Variants in UNK observed in about 807,000 individuals in gnomAD.
The protein encoded by UNK is unk zinc finger.
In UNK, 32 loss-of-function variants were observed where a neutral mutation model predicts 97.6. The ratio of observed to expected loss-of-function variants is 0.33; its 90% CI spans 0.25 to 0.44. The LOEUF is 0.44. Among genes scored for constraint, UNK ranks in the 20% least tolerant of loss-of-function variants. The pLI, the probability that UNK is intolerant of heterozygous loss-of-function variation, is 1.00. For synonymous variants in UNK, 441 were observed against 461.2 expected, an observed-to-expected ratio of 0.96 and a Z score of 0.56; for missense variants, 771 against 1,098.4, an observed-to-expected ratio of 0.70 and a Z score of 4.21.
At chr17:75,789,360 G>A (rs747367863) in intron 1 of UNK, among the ~76,000 whole-genome samples, 15 of 151,110 alleles carry the variant, frequency 9.9e-5, no homozygotes, top group South Asian at 6.3e-4. Flanking sequence ...TTCTGAGACC[G>A]AGTCTCGCTC....
At chr17:75,794,714 G>A (rs1018719241) in intron 1 of UNK, among the ~76,000 whole-genome samples, 1 of 152,162 alleles carries the variant, frequency 6.6e-6, no homozygotes, top group African/African-American at 2.4e-5. Context: ...CACCACCTGG[G>A]TTTGAGGCCC....
intron 1 of UNK, among the ~76,000 whole-genome samples, chr17:75,795,654 A>G (rs756787966): frequency 3.3e-5 from 5 of 151,996 alleles, no homozygotes; most frequent in Non-Finnish European, 7.4e-5. Context: ...AAAACTTTGG[A>G]TAAAGTCAAG....
intron 1 of UNK, among the ~76,000 whole-genome samples, chr17:75,794,535 G>A (rs2061788959): frequency 6.6e-6 from 1 of 152,080 alleles, no homozygotes; most frequent in Non-Finnish European, 1.5e-5. Context: ...CTACTAGGGA[G>A]GCTGAGGCAG....
At chr17:75,794,803 A>G (rs984387260) in intron 1 of UNK, among the ~76,000 whole-genome samples, 3 of 152,166 alleles carry the variant, frequency 2.0e-5, no homozygotes, top group South Asian at 2.1e-4. Flanking sequence ...GAATAGGAAT[A>G]TTACCTGTCT....
At chr17:75,800,979 C>T (rs531851493) in intron 1 of UNK, among the ~76,000 whole-genome samples, 37 of 151,438 alleles carry the variant, frequency 2.4e-4, no homozygotes, top group Non-Finnish European at 4.3e-4. Context: ...TCTGGGCTCA[C>T]TGCAAGCTCT....
rs1022781987 is a variant in UNK, at chr17:75,784,969, A to C, written c.89A>C (p.Lys30Thr). The C allele has an allele frequency of 2.0e-6, 3 of 1,526,168 alleles. No individual in the cohort carries two copies. 94.5% of individuals were successfully genotyped at this position (1,526,168 alleles called of 1,614,324 possible). ...TAQVLQAQPE[K>T]PQHYTYLKEF... ...CAGGTGCTGCAGGCACAGCCCGAGAAACCGCAGCACTACACGTACGTAGAG... is the reference window on the plus strand; with the variant it reads ...CAGGTGCTGCAGGCACAGCCCGAGACACCGCAGCACTACACGTACGTAGAG... Residue 30 changes from lysine to threonine, a missense_variant, in exon 1 of 16, where the codon AAA becomes ACA. Lys to Thr is a moderately conservative substitution (Grantham distance 78). Transcript: ENST00000589666.
At chr17:75,795,076 C>T (rs977172943) in intron 1 of UNK, among the ~76,000 whole-genome samples, 7 of 152,216 alleles carry the variant, frequency 4.6e-5, no homozygotes, top group Middle Eastern at 3.4e-3. Context: ...CTCTCTTCCA[C>T]GTCCACTTGA....
intron 1 of UNK, among the ~76,000 whole-genome samples, chr17:75,803,047 G>A (rs1360470903): frequency 1.3e-5 from 1 of 76,710 alleles, no homozygotes; most frequent in Non-Finnish European, 2.1e-5. Flanking sequence ...CGGATCACGA[G>A]GTCAGGAGAT....
Position 75,784,851 on chromosome 17 carries a change from G to A in UNK, c.-30G>A, listed in dbSNP as rs752602349. 7.5e-6 allele frequency: 12 copies of A among 1,600,484 alleles called. No homozygotes were observed. The highest frequency in any genetic ancestry group is 6.0e-6 in the Non-Finnish European group (7 of 1,171,032). Reference sequence around the variant, plus strand: ...ACCGCGCAGACTGAATAATAAAAGGGGAGCGGCGAAGAGGCAGGAAGACAA... The same window carrying A: ...ACCGCGCAGACTGAATAATAAAAGGAGAGCGGCGAAGAGGCAGGAAGACAA... On this transcript the variant is annotated 5_prime_UTR_variant, in exon 1 of 16. Transcript: ENST00000589666.
chr17:75,806,702 G>T (rs1481317323), intron 1 of UNK, among the ~76,000 whole-genome samples: 1 of 152,108 alleles, frequency 6.6e-6, no homozygotes, highest in Non-Finnish European at 1.5e-5. Context: ...GAACCTGGGA[G>T]GCAGAGATTG....
chr17:75,812,076 C>T (rs2061974477), intron 2 of UNK, 36 bp from the exon 3 acceptor site: 2 of 1,553,246 alleles, frequency 1.3e-6, no homozygotes, highest in South Asian at 2.4e-5. Flanking sequence ...AGGCTGCAGG[C>T]AGCAAAGTTG....
chr17:75,824,489 A>ATTC lies in UNK; in HGVS notation c.*72_*73insTTC. On this transcript the variant is annotated 3_prime_UTR_variant, in exon 16 of 16. Transcript: ENST00000589666. This position sits in a 1 kb window ranked among gnomAD's most constrained non-coding sequence, Gnocchi z 4.9. ...TTTTTAAAGTATATATATATATATG[A>ATTC]ATATATATATATATGTGTATGTATG... 1 of 837,140 alleles carries ATTC rather than the reference A, an allele frequency of 1.2e-6. No homozygotes were observed. The highest frequency in any genetic ancestry group is 1.5e-6 in the Non-Finnish European group (1 of 646,108). 51.9% of individuals were successfully genotyped at this position (837,140 alleles called of 1,614,324 possible).
chr17:75,789,627 C>T (rs1248538639), intron 1 of UNK, among the ~76,000 whole-genome samples: 2 of 152,164 alleles, frequency 1.3e-5, no homozygotes, highest in Non-Finnish European at 2.9e-5. Context: ...TGAACCACTG[C>T]GCCTGGCCTG....
chr17:75,791,261 C>T (rs780628024), intron 1 of UNK, among the ~76,000 whole-genome samples: 3 of 152,136 alleles, frequency 2.0e-5, no homozygotes, highest in East Asian at 1.9e-4. Flanking sequence ...TCCTGGGCAT[C>T]GAATTAAACA....
intron 1 of UNK, among the ~76,000 whole-genome samples, chr17:75,804,370 G>A (rs1487821275): frequency 6.6e-6 from 1 of 151,798 alleles, no homozygotes; most frequent in Non-Finnish European, 1.5e-5. Flanking sequence ...CAGGGGAATC[G>A]CTTGAGTGTG....
chr17:75,793,736 A>G (rs972436924), intron 1 of UNK: 2 of 985,330 alleles, frequency 2.0e-6, no homozygotes, highest in Non-Finnish European at 2.4e-6. Context: ...TTGAAACACC[A>G]TATAGCCACC....
rs575528633 is a variant in UNK at position 75,807,967 on chromosome 17, C to T, written c.105-1793C>T. Among the ~76,000 whole-genome samples the T allele has an allele frequency of 9.9e-5, 15 of 152,160 alleles. No homozygotes were observed. In the South Asian group the frequency reaches 1.2e-3, roughly 13 times the overall value. ...AATTAGGCTAAAATATTATTCATTG[C>T]TTATATGAGATTCCAGTTTAACTGG... On this transcript the variant is annotated intron_variant, in intron 1 of 15. Coordinates refer to ENST00000589666, the MANE Select transcript of UNK (RefSeq NM_001080419.3).
rs778631888 is a variant in UNK, at chr17:75,819,801, G to T, written c.1648+16G>T. On this transcript the variant is annotated intron_variant, in intron 12 of 15. Transcript: ENST00000589666. The surrounding 1 kb of genome is among the most constrained non-coding windows in gnomAD (Gnocchi z 5.4). ...ATCACCATCGGTACTGGGTGTGGGT[G>T]GGCAGGGCAGCCTGGAGGACTCCTC... is the stretch of plus-strand genomic sequence containing the variant. 1.2e-6 allele frequency: 2 copies of T among 1,613,480 alleles called. No individual in the cohort carries two copies. The highest frequency in any genetic ancestry group is 1.7e-6 in the Non-Finnish European group (2 of 1,179,728).
chr17:75,817,409 G>C lies in UNK; in HGVS notation c.1188G>C (p.Leu396=). The C allele has an allele frequency of 2.5e-6, 4 of 1,612,868 alleles. No individual in the cohort carries two copies. Among genetic ancestry groups the C allele is most frequent in the Non-Finnish European group, 3.4e-6 (4 of 1,179,340 alleles). The change falls in exon 9 of 16, where the codon CTG becomes CTC. Residue 396 remains leucine (L), a synonymous_variant. Transcript: ENST00000589666. The surrounding 1 kb of genome is among the most constrained non-coding windows in gnomAD (Gnocchi z 5.8). ...GCTCCATCAGGAAGCCCCCAAACCT[G>C]GAGGGCATCGTCTTCCCTGGGGAGT... The part of the protein sequence containing the change: ...PPGSIRKPPN[L]EGIVFPGESG...
Sources: allele counts gnomAD v4.1 joint callset (sites outside exome capture counted in the v4.1 genomes callset), GRCh38; gene constraint gnomAD v4.1.1; non-coding constraint Gnocchi (gnomAD v3.1); transcripts MANE v1.5; gene names NCBI Gene and HGNC (gene_info 2026-07-23, HGNC 2026-07-21).